EP300: variants seen among roughly 807,000 people sequenced by gnomAD.
The protein encoded by EP300 is EP300 lysine acetyltransferase.
EP300 carries 31 observed loss-of-function variants against 264.0 expected under a neutral mutation model. The ratio of observed to expected loss-of-function variants is 0.12; its 90% confidence interval spans 0.09 to 0.16. EP300 has a LOEUF of 0.16. EP300 is among the 10% of genes least tolerant of loss of function. The probability of loss-of-function intolerance (pLI) is 1.00; values close to 1 mark genes in which losing one functional copy is unlikely to be tolerated. For synonymous variants in EP300, 1,340 were observed against 1,045.4 expected (o/e 1.28, Z -5.44); for missense variants, 2,766 against 3,052.9 (o/e 0.91, Z 2.21).
rs374768898 is a variant in EP300 at position 41,131,548 on chromosome 22, G to C, written c.1443G>C (p.Pro481=). ...LGLPYQVNQM[P]TQPQVQAKNQ... ...TACCCTATCAAGTAAATCAGATGCC[G>C]ACACAACCCCAGGTGCAAGCAAAGA... Residue 481 remains proline, a synonymous_variant, in exon 6 of 31, where the codon CCG becomes CCC. Transcript: ENST00000263253. 1.9e-6 allele frequency: 3 copies of C among 1,613,970 alleles called. No homozygotes were observed. Among genetic ancestry groups the C allele is most frequent in the Non-Finnish European group, 2.5e-6 (3 of 1,180,010 alleles).
intron 1 of EP300, among the ~76,000 whole-genome samples, chr22:41,103,942 A>T (rs1401649018): frequency 7.0e-6 from 1 of 142,006 alleles, no homozygotes; most frequent in Non-Finnish European, 1.6e-5. Context: ...TAATTAACAA[A>T]GTGAATTGTT....
chr22:41,161,342 G>T (rs913605469), intron 20 of EP300, among the ~76,000 whole-genome samples: 3 of 152,224 alleles, frequency 2.0e-5, no homozygotes, highest in African/African-American at 7.2e-5. Flanking sequence ...CTCTGGCCAG[G>T]CGTGGTGGCT....
intron 1 of EP300, among the ~76,000 whole-genome samples, chr22:41,107,406 A>G (rs964034249): frequency 2.2e-5 from 3 of 134,868 alleles, no homozygotes; most frequent in Admixed American, 8.7e-5. Flanking sequence ...CTCAAATAAT[A>G]TGTGAGCCTT....
intron 6 of EP300, among the ~76,000 whole-genome samples, chr22:41,132,985 G>C (rs1038781371): frequency 6.6e-6 from 1 of 152,196 alleles, no homozygotes; most frequent in Non-Finnish European, 1.5e-5. Context: ...CTGTCAAGCA[G>C]TTCAAATATC....
intron 4 of EP300, 117 bp downstream of exon 4, chr22:41,127,865 A>G (rs2058892075): frequency 3.0e-6 from 4 of 1,337,690 alleles, no homozygotes; most frequent in Admixed American, 1.9e-5. Flanking sequence ...AATTGTGGTG[A>G]TGGTGTCTGT....
At chr22:41,116,013 T>G (rs1402161265) in intron 1 of EP300, among the ~76,000 whole-genome samples, 2 of 152,208 alleles carry the variant, frequency 1.3e-5, no homozygotes, top group African/African-American at 4.8e-5. Context: ...ATCCTGAGTT[T>G]AGTTTGTGTG....
intron 10 of EP300, among the ~76,000 whole-genome samples, chr22:41,142,830 G>A (rs549527638): frequency 6.6e-6 from 1 of 152,208 alleles, no homozygotes; most frequent in Admixed American, 6.5e-5. Flanking sequence ...AGCTTGCAGT[G>A]AGCCGAGATT....
chr22:41,121,480 G>A (rs2058851861), intron 2 of EP300, among the ~76,000 whole-genome samples: 1 of 152,114 alleles, frequency 6.6e-6, no homozygotes. Context: ...GATCTGTGTG[G>A]GAGATGGAAA....
At position 41,156,303 on chromosome 22, in the gene EP300, G is replaced by A. The variant is rs1199650589; in HGVS notation, c.3262-866G>A. 2.6e-5 allele frequency among the ~76,000 whole-genome samples: 4 copies of A among 152,152 alleles called. No individual in the cohort carries two copies. In the East Asian group the frequency reaches 7.7e-4, roughly 29 times the overall value. On this transcript the variant is annotated intron_variant, in intron 17 of 30. Transcript: ENST00000263253. ...GCCCAGATTACAGGCGTGAGCCACC[G>A]CACCCGGCCACTTTCGTTGTTTCAA...
Position 41,152,257 on chromosome 22 carries a change from A to G in EP300, c.3049A>G (p.Thr1017Ala). The change falls in exon 16 of 31, where the codon ACT (threonine) becomes GCT (alanine). Residue 1017 changes from threonine (T) to alanine (A), a missense_variant. By Grantham distance (58) the Thr-to-Ala change is moderately conservative. Coordinates refer to ENST00000263253, the MANE Select transcript of EP300 (RefSeq NM_001429.4). ...ATCTACCGAAACAGAAGAGAGAAGCACTGAGTTAAAAACTGAAATAAAAGA... is the reference window on the plus strand; with the variant it reads ...ATCTACCGAAACAGAAGAGAGAAGCGCTGAGTTAAAAACTGAAATAAAAGA... ...MESTETEERS[T>A]ELKTEIKEEE... The G allele has an allele frequency of 6.2e-7, 1 of 1,614,158 alleles. No individual in the cohort carries two copies. Among genetic ancestry groups the G allele is most frequent in the Non-Finnish European group, 8.5e-7 (1 of 1,180,014 alleles).
rs1464888363 is a variant in EP300 at position 41,168,780 on chromosome 22, C to G, written c.4085C>G (p.Ala1362Gly). ...CCATACCGAACCAAAGCCCTCTTTGCCTTTGAAGAAATTGATGGTGTTGAC... is the reference window on the plus strand; with the variant it reads ...CCATACCGAACCAAAGCCCTCTTTGGCTTTGAAGAAATTGATGGTGTTGAC... Reference protein sequence around the residue: ...SFPYRTKALFAFEEIDGVDLC... With the variant: ...SFPYRTKALFGFEEIDGVDLC... The change falls in exon 25 of 31, where the codon GCC becomes GGC. Residue 1362 changes from alanine (A) to glycine (G), a missense_variant. Transcript: ENST00000263253. 1 of 1,614,150 alleles carries G rather than the reference C, an allele frequency of 6.2e-7. No homozygotes were observed. The highest frequency in any genetic ancestry group is 8.5e-7 in the Non-Finnish European group (1 of 1,180,040).
intron 7 of EP300, among the ~76,000 whole-genome samples, chr22:41,136,232 G>A (rs2058949683): frequency 6.6e-6 from 1 of 152,144 alleles, no homozygotes; most frequent in Admixed American, 6.5e-5. Flanking sequence ...CACTGTGTTG[G>A]CCAGGCTGTT....
intron 1 of EP300, among the ~76,000 whole-genome samples, chr22:41,096,732 T>C (rs765992539): frequency 2.5e-4 from 38 of 151,570 alleles, no homozygotes; most frequent in Non-Finnish European, 4.7e-4. Flanking sequence ...GATTCTCTGC[T>C]TCACCCTCCT....
intron 13 of EP300, 37 bp from the exon 14 acceptor site, chr22:41,149,724 C>T: frequency 6.2e-7 from 1 of 1,602,094 alleles, no homozygotes; most frequent in Non-Finnish European, 8.5e-7. Context: ...TAATTCTGTT[C>T]TGAATTGCTG....
chr22:41,156,337 GGT>G (rs1174816776), intron 17 of EP300, among the ~76,000 whole-genome samples: 2 of 152,186 alleles, frequency 1.3e-5, no homozygotes. Flanking sequence ...AAGAGCAATA[GGT>G]CATAGCAGAA....
Position 41,177,270 on chromosome 22 carries a change from C to A in EP300, c.5559C>A (p.Ala1853=), listed in dbSNP as rs141691930. The A allele has an allele frequency of 2.3e-4, 368 of 1,614,010 alleles. No homozygotes were observed. The highest frequency in any genetic ancestry group is 3.1e-4 in the Non-Finnish European group (363 of 1,180,032). ...AGGGCCTCCCTTCCCCCACTCCTGC[C>A]ACTCCAACGACACCAACTGGCCAAC... The part of the protein sequence containing the change: ...QQQGLPSPTP[A]TPTTPTGQQP... Residue 1853 remains alanine, a synonymous_variant, in exon 31 of 31, where the codon GCC becomes GCA. Transcript: ENST00000263253.
chr22:41,133,507 C>G (rs1461450556), intron 6 of EP300, among the ~76,000 whole-genome samples: 4 of 152,122 alleles, frequency 2.6e-5, no homozygotes, highest in African/African-American at 9.7e-5. Flanking sequence ...TGCTTGAAAG[C>G]AGAGTACTTT....
intron 2 of EP300, among the ~76,000 whole-genome samples, chr22:41,122,086 A>G (rs1682457815): frequency 6.6e-6 from 1 of 150,502 alleles, no homozygotes; most frequent in South Asian, 2.1e-4. Context: ...CTGTTTCTGC[A>G]TTCTATTGCC....
intron 7 of EP300, among the ~76,000 whole-genome samples, chr22:41,136,281 C>T (rs994062661): frequency 6.6e-6 from 1 of 152,222 alleles, no homozygotes; most frequent in South Asian, 2.1e-4. Flanking sequence ...GCCTCAGTCT[C>T]CCGAAGTGCT....
Sources: gnomAD v4.1 joint callset for allele counts (sites outside exome capture counted in the v4.1 genomes callset) on GRCh38, gnomAD v4.1.1 for gene constraint, MANE v1.5 for transcripts, NCBI Gene and HGNC (gene_info 2026-07-23, HGNC 2026-07-21) for gene names.